The following KLF12 variants were observed in gnomAD, a reference collection of about 807,000 sequenced individuals.
KLF12 encodes the protein KLF transcription factor 12, also known as Krueppel-like factor 12.
KLF12 carries 9 observed loss-of-function variants against 37.8 expected under a neutral mutation model. That is an observed-to-expected ratio of 0.24 (90% confidence interval 0.14 to 0.42). KLF12 has a LOEUF of 0.42. Among genes scored for constraint, KLF12 ranks in the 10% least tolerant of loss-of-function variants. The pLI is 1.00. For synonymous variants in KLF12, 208 were observed against 202.1 expected (o/e 1.03, Z -0.25); for missense variants, 411 against 516.0 (o/e 0.80, Z 1.97).
chr13:74,035,136 CA>C (rs1893215028), intron 1 of KLF12, among the ~76,000 whole-genome samples: 1 of 152,158 alleles, frequency 6.6e-6, no homozygotes, highest in Non-Finnish European at 1.5e-5. Context: ...ACTCCCACCA[CA>C]AATCAAAATC....
intron 1 of KLF12, among the ~76,000 whole-genome samples, chr13:74,123,076 G>T (rs1354498082): frequency 1.3e-5 from 2 of 151,524 alleles, no homozygotes; most frequent in East Asian, 3.9e-4. Context: ...GCAAAACAAT[G>T]CTTATTTTCT....
At position 74,039,308 on chromosome 13, in the gene KLF12, G is replaced by A. The variant is rs546312759; in HGVS notation, c.-31-44255C>T. ...AATCTTAGTACTTTGAGAGGCTGAA[G>A]CAGGAGGAGTGCTTGAGTTCAGTTT... On this transcript the variant is annotated intron_variant, in intron 1 of 7. Transcript: ENST00000377669. 2.0e-5 allele frequency among the ~76,000 whole-genome samples: 3 copies of A among 152,222 alleles called. No homozygotes were observed. The South Asian group carries it at 6.2e-4, about 32-fold the overall frequency.
At chr13:73,743,191 G>T (rs1045096016) in intron 6 of KLF12, among the ~76,000 whole-genome samples, 2 of 152,130 alleles carry the variant, frequency 1.3e-5, no homozygotes, top group Non-Finnish European at 2.9e-5. Flanking sequence ...TTTATTTAAC[G>T]GTAGATCCTC....
chr13:73,826,011 T>C (rs1388184322), intron 4 of KLF12, among the ~76,000 whole-genome samples: 1 of 152,094 alleles, frequency 6.6e-6, no homozygotes, highest in Non-Finnish European at 1.5e-5. Flanking sequence ...CTCGCTCTGT[T>C]GCCCAGGCTG....
At chr13:74,074,954 AG>A (rs1335584543) in intron 1 of KLF12, among the ~76,000 whole-genome samples, 1 of 152,206 alleles carries the variant, frequency 6.6e-6, no homozygotes, top group Non-Finnish European at 1.5e-5. Context: ...AAGAGGGCTC[AG>A]CTGTGATTCT....
intron 3 of KLF12, among the ~76,000 whole-genome samples, chr13:73,859,080 G>A (rs1331025129): frequency 2.0e-5 from 3 of 152,288 alleles, no homozygotes; most frequent in African/African-American, 4.8e-5. Context: ...GGTTCACTTC[G>A]CTGGAGTATG....
chr13:73,765,616 G>T (rs1879859384), intron 5 of KLF12, among the ~76,000 whole-genome samples: 1 of 152,142 alleles, frequency 6.6e-6, no homozygotes, highest in Admixed American at 6.5e-5. Flanking sequence ...GAGAAGTGAA[G>T]AATATATTGC....
intron 5 of KLF12, chr13:73,800,383 A>G (rs1483321884): frequency 2.0e-5 from 3 of 152,248 alleles, no homozygotes; most frequent in Middle Eastern, 3.4e-3. Flanking sequence ...AGAAATTTTT[A>G]TAAGAGAACA....
At chr13:74,123,881 C>G (rs1877783400) in intron 1 of KLF12, among the ~76,000 whole-genome samples, 1 of 152,188 alleles carries the variant, frequency 6.6e-6, no homozygotes, top group Admixed American at 6.5e-5. Flanking sequence ...AATTTCTAGA[C>G]TTTTACCTTC....
upstream of KLF12, among the ~76,000 whole-genome samples, chr13:74,136,291 C>T (rs972080616): frequency 3.9e-5 from 6 of 152,152 alleles, no homozygotes; most frequent in Non-Finnish European, 7.4e-5. Context: ...CCGCAACTCC[C>T]ACTCCCTGAT....
intron 3 of KLF12, among the ~76,000 whole-genome samples, chr13:73,854,535 C>T (rs1885506730): frequency 6.6e-6 from 1 of 152,120 alleles, no homozygotes; most frequent in South Asian, 2.1e-4. Context: ...AAACTGTAAC[C>T]TTTTTATGTA....
At chr13:73,841,810 G>A (rs1232073371) in intron 4 of KLF12, among the ~76,000 whole-genome samples, 2 of 152,114 alleles carry the variant, frequency 1.3e-5, no homozygotes. Flanking sequence ...CACCACTGTG[G>A]GGGGGCTAAC....
At position 73,894,591 on chromosome 13, in the gene KLF12, T is replaced by C. The variant is rs79808977; in HGVS notation, c.124-48218A>G. ...ACTCATCATTTAACTTAATCACTTT[T>C]TTCTCTCATTTGAGGTATTCAATCA... is the stretch of plus-strand genomic sequence containing the variant. On this transcript the variant is annotated intron_variant, in intron 3 of 7. Coordinates refer to ENST00000377669, the MANE Select transcript of KLF12 (RefSeq NM_007249.5). 7.1e-4 allele frequency among the ~76,000 whole-genome samples: 108 copies of C among 152,332 alleles called. 1 individual carries two copies. Among genetic ancestry groups the C allele is most frequent in the African/African-American group, 2.5e-3 (105 of 41,584 alleles).
the KLF12 span, among the ~76,000 whole-genome samples, chr13:74,213,325 T>C: frequency 6.6e-6 from 1 of 152,208 alleles, no homozygotes; most frequent in East Asian, 1.9e-4. Flanking sequence ...AGAGTAACTA[T>C]TCTTGTTCTC....
intron 5 of KLF12, among the ~76,000 whole-genome samples, chr13:73,765,704 A>T (rs1342487314): frequency 6.6e-6 from 1 of 152,132 alleles, no homozygotes; most frequent in African/African-American, 2.4e-5. Context: ...CTTCTAATCA[A>T]AGCCTAGCTA....
At chr13:73,721,099 A>C (rs1876209867) in intron 6 of KLF12, among the ~76,000 whole-genome samples, 1 of 152,214 alleles carries the variant, frequency 6.6e-6, no homozygotes, top group Non-Finnish European at 1.5e-5. Flanking sequence ...TAAATGCCTT[A>C]AGCTTCAGAG....
At chr13:73,993,966 GC>G (rs1345808512) in intron 2 of KLF12, among the ~76,000 whole-genome samples, 3 of 152,138 alleles carry the variant, frequency 2.0e-5, no homozygotes, top group Non-Finnish European at 4.4e-5. Context: ...ACCCACACAG[GC>G]AACACTGAGG....
At chr13:74,001,605 G>A (rs9543510) in intron 1 of KLF12, among the ~76,000 whole-genome samples, 117,649 of 152,190 alleles carry the variant, frequency 0.77, 45,943 homozygotes, top group East Asian at 0.9. Context: ...CTGTATGCTT[G>A]GGCTGCCAAT....
At chr13:74,254,729 T>C in the KLF12 span, among the ~76,000 whole-genome samples, 1 of 152,134 alleles carries the variant, frequency 6.6e-6, no homozygotes, top group African/African-American at 2.4e-5. Flanking sequence ...ACAGAATAAA[T>C]ACATATATGG....
Sources: gnomAD v4.1 joint callset for allele counts (sites outside exome capture counted in the v4.1 genomes callset) on GRCh38, gnomAD v4.1.1 for gene constraint, MANE v1.5 for transcripts, NCBI Gene and HGNC (gene_info 2026-07-23, HGNC 2026-07-21) for gene names.